The following CMSS1 variants were observed in gnomAD, a reference collection of about 807,000 sequenced individuals.
CMSS1 encodes the protein protein CMSS1.
A neutral mutation model predicts 43.5 loss-of-function variants in CMSS1; 33 were observed. The observed-to-expected ratio is 0.76, with a 90% CI of 0.57 to 1.01. The LOEUF is 1.01. CMSS1 is among the 50% of genes least tolerant of loss of function. CMSS1 has a pLI of 0.00. For missense variants in CMSS1, 313 were observed against 326.4 expected (o/e 0.96, Z 0.32); for synonymous variants, 115 against 117.2 (o/e 0.98, Z 0.12).
At chr3:99,976,813 G>T (rs568698283) in intron 1 of CMSS1, among the ~76,000 whole-genome samples, 155 of 152,170 alleles carry the variant, frequency 1.0e-3, no homozygotes, top group African/African-American at 3.4e-3. Context: ...GAAGATGTTT[G>T]ACCATTATCT....
Position 100,153,663 on chromosome 3 carries a change from CTTAGTTGCCTCT to C in CMSS1, c.153+6606_153+6617del, listed in dbSNP as rs1248435992. On this transcript the variant is annotated intron_variant, in intron 2 of 9. Coordinates refer to ENST00000421999, the MANE Select transcript of CMSS1 (RefSeq NM_032359.4). The stretch of plus-strand genomic sequence containing the variant: ...CCACCCTTATGACACCTCATTTAAC[CTTAGTTGCCTCT>C]TTAAAGGCCCTATCTCCAAATATAG... Among the ~76,000 whole-genome samples, 12 of 152,210 alleles carry C rather than the reference CTTAGTTGCCTCT, an allele frequency of 7.9e-5. No homozygotes were observed. In the South Asian group the frequency reaches 8.3e-4, roughly 11 times the overall value.
chr3:99,860,311 C>T (rs1944179963), intron 1 of CMSS1, among the ~76,000 whole-genome samples: 5 of 152,052 alleles, frequency 3.3e-5, no homozygotes, highest in Admixed American at 3.3e-4. Flanking sequence ...TACTAGGCCC[C>T]CCAGAGGTCA....
intron 1 of CMSS1, among the ~76,000 whole-genome samples, chr3:100,129,026 A>T (rs2066685263): frequency 6.6e-6 from 1 of 152,186 alleles, no homozygotes; most frequent in African/African-American, 2.4e-5. Context: ...TGTGGGTGCC[A>T]CCACAGTCAG....
chr3:99,946,217 A>G lies in CMSS1; in HGVS notation c.64+128174A>G, dbSNP rs374906860. ...TGGGTATGTCTATTACATCTTCAGAATAGCCCTGGATACTATTGTGATTGA... is the reference window on the plus strand; with the variant it reads ...TGGGTATGTCTATTACATCTTCAGAGTAGCCCTGGATACTATTGTGATTGA... On this transcript the variant is annotated intron_variant, in intron 1 of 9. Transcript: ENST00000421999. Among the ~76,000 whole-genome samples, 98 of 152,352 alleles carry G rather than the reference A, an allele frequency of 6.4e-4. 1 individual carries two copies. In the South Asian group the frequency reaches 0.02, roughly 31 times the overall value.
chr3:99,881,242 A>T (rs895383346), intron 1 of CMSS1, among the ~76,000 whole-genome samples: 9 of 152,206 alleles, frequency 5.9e-5, no homozygotes, highest in Non-Finnish European at 1.2e-4. Flanking sequence ...CCACTGTAAG[A>T]TTATTAAATG....
At chr3:99,818,405 G>T (rs1255266877) in intron 1 of CMSS1, among the ~76,000 whole-genome samples, 4 of 152,204 alleles carry the variant, frequency 2.6e-5, no homozygotes, top group Non-Finnish European at 2.9e-5. Flanking sequence ...AGGGGTTGCT[G>T]CTTCAGACTC....
chr3:100,103,628 G>A (rs1304461194), intron 1 of CMSS1, among the ~76,000 whole-genome samples: 2 of 152,174 alleles, frequency 1.3e-5, no homozygotes, highest in African/African-American at 4.8e-5. Flanking sequence ...CCAAAGTTGA[G>A]ATGGAGGAGA....
chr3:99,982,070 G>GC (rs1305084401), intron 1 of CMSS1, among the ~76,000 whole-genome samples: 13 of 151,948 alleles, frequency 8.6e-5, no homozygotes, highest in African/African-American at 2.9e-4. Flanking sequence ...ATAAATAGAA[G>GC]TTTATACTTT....
intron 1 of CMSS1, among the ~76,000 whole-genome samples, chr3:100,134,674 G>A (rs1367528063): frequency 1.3e-5 from 2 of 152,212 alleles, no homozygotes; most frequent in East Asian, 1.9e-4. Context: ...GGTGGAAGGA[G>A]TGGTAGAGAG....
intron 1 of CMSS1, chr3:99,931,019 A>G (rs754196696): frequency 4.3e-6 from 7 of 1,613,148 alleles, no homozygotes; most frequent in Non-Finnish European, 5.9e-6. Context: ...TCTGGAACGC[A>G]TTCTTTAAAG....
At chr3:100,064,507 T>G (rs1221239076) in intron 1 of CMSS1, among the ~76,000 whole-genome samples, 4 of 152,220 alleles carry the variant, frequency 2.6e-5, no homozygotes, top group African/African-American at 9.6e-5. Flanking sequence ...TAATTTGTGA[T>G]GTAGCTGGTT....
intron 1 of CMSS1, among the ~76,000 whole-genome samples, chr3:99,967,893 G>A (rs1708699953): frequency 2.0e-5 from 3 of 152,308 alleles, no homozygotes; most frequent in Non-Finnish European, 2.9e-5. Context: ...TTAGCAAGGA[G>A]AAGGAGTAGG....
chr3:99,930,047 A>G, intron 1 of CMSS1: 9 of 1,586,094 alleles, frequency 5.7e-6, no homozygotes, highest in Non-Finnish European at 7.7e-6. Context: ...AACAAAAAGT[A>G]TTTCAGAAAG....
At chr3:99,929,282 G>T (rs1425625036) in intron 1 of CMSS1, among the ~76,000 whole-genome samples, 5 of 152,184 alleles carry the variant, frequency 3.3e-5, no homozygotes, top group African/African-American at 1.2e-4. Flanking sequence ...TGCTAGGTAC[G>T]CTTGGTGAGG....
At chr3:100,117,655 A>G (rs1038444650) in intron 1 of CMSS1, among the ~76,000 whole-genome samples, 14 of 151,874 alleles carry the variant, frequency 9.2e-5, no homozygotes, top group Non-Finnish European at 1.6e-4. Flanking sequence ...CAAAGACATT[A>G]GAAAACAACT....
chr3:100,083,137 T>C (rs1324964694), intron 1 of CMSS1, among the ~76,000 whole-genome samples: 1 of 152,216 alleles, frequency 6.6e-6, no homozygotes, highest in African/African-American at 2.4e-5. Flanking sequence ...TGGCAGTCAG[T>C]ACCTGACAGG....
At chr3:100,082,675 T>C (rs188826736) in intron 1 of CMSS1, among the ~76,000 whole-genome samples, 140 of 152,308 alleles carry the variant, frequency 9.2e-4, no homozygotes, top group African/African-American at 3.2e-3. Context: ...CCAACAAATT[T>C]TATTTAGGAA....
At chr3:99,994,327 T>A (rs1046302014) in intron 1 of CMSS1, among the ~76,000 whole-genome samples, 3 of 152,166 alleles carry the variant, frequency 2.0e-5, no homozygotes, top group Admixed American at 6.5e-5. Flanking sequence ...AGACAGATCA[T>A]CAAGTCAGAA....
At chr3:99,850,572 GAT>G in intron 1 of CMSS1, 1 of 1,613,718 alleles carries the variant, frequency 6.2e-7, no homozygotes, top group Non-Finnish European at 8.5e-7. Context: ...CTTCAGCCAT[GAT>G]ACCAGCGTTT....
Sources: allele counts gnomAD v4.1 joint callset (sites outside exome capture counted in the v4.1 genomes callset), GRCh38; gene constraint gnomAD v4.1.1; transcripts MANE v1.5; gene names NCBI Gene and HGNC (gene_info 2026-07-23, HGNC 2026-07-21).